The following TBC1D9 variants were observed in gnomAD, a reference collection of about 807,000 sequenced individuals.
The protein encoded by TBC1D9 is TBC1 domain family member 9, also known as TBC1 domain family member 9A.
A neutral mutation model predicts 132.0 loss-of-function variants in TBC1D9; 63 were observed. That is an observed-to-expected ratio of 0.48 (90% CI 0.39 to 0.59). The LOEUF is 0.59. TBC1D9 is among the 20% of genes least tolerant of loss of function. The pLI, the probability that TBC1D9 is intolerant of heterozygous loss-of-function variation, is 0.00. For missense variants in TBC1D9, 1,261 were observed against 1,592.7 expected (o/e 0.79, Z 3.54); for synonymous variants, 610 against 609.9 (o/e 1.00, Z 0.00).
chr4:140,643,429 C>T lies in TBC1D9; in HGVS notation c.2338-4001G>A, dbSNP rs896939232. The T allele has an allele frequency of 4.2e-5, 40 of 958,110 alleles. No homozygotes were observed. The African/African-American group carries it at 5.6e-4, about 14-fold the overall frequency. The allele number at this position is 958,110 out of a possible 1,614,324, so 59.4% of individuals were successfully genotyped here. A position where few individuals can be genotyped will look rare whatever the true frequency, so the allele number is the denominator to read the frequency against. ...ATGCCAGCCAGTGGGTCTTCCAGGC[C>T]GGGCAGGAACTGCTCAGAGCTTGCC... On this transcript the variant is annotated intron_variant, in intron 13 of 20. Coordinates refer to ENST00000442267, the MANE Select transcript of TBC1D9 (RefSeq NM_015130.3).
At chr4:140,650,828 C>A (rs1046468779) in intron 13 of TBC1D9, among the ~76,000 whole-genome samples, 4 of 152,176 alleles carry the variant, frequency 2.6e-5, no homozygotes, top group African/African-American at 9.7e-5. Flanking sequence ...AGCCACCATG[C>A]CTGGCCTCTA....
chr4:140,695,831 T>C (rs1476194348), intron 2 of TBC1D9, among the ~76,000 whole-genome samples: 2 of 152,124 alleles, frequency 1.3e-5, no homozygotes, highest in African/African-American at 2.4e-5. Flanking sequence ...TTTACTCCAA[T>C]GTGAGCCCCA....
At chr4:140,714,010 T>C (rs1440760402) in intron 1 of TBC1D9, among the ~76,000 whole-genome samples, 1 of 152,066 alleles carries the variant, frequency 6.6e-6, no homozygotes, top group Non-Finnish European at 1.5e-5. Context: ...CTGGCAAAAA[T>C]CAGAATCGGT....
intron 9 of TBC1D9, among the ~76,000 whole-genome samples, chr4:140,665,702 G>C (rs1171499485): frequency 6.6e-6 from 1 of 151,678 alleles, no homozygotes; most frequent in Non-Finnish European, 1.5e-5. Flanking sequence ...TCTGAGAGAG[G>C]GTCTTGCTGA....
chr4:140,677,126 C>T, intron 5 of TBC1D9, 25 bp from the exon 6 acceptor site: 1 of 1,610,754 alleles, frequency 6.2e-7, no homozygotes, highest in Non-Finnish European at 8.5e-7. Context: ...TTACAATTCA[C>T]ATAAGAAAAA....
chr4:140,708,235 T>C (rs1284654192), intron 1 of TBC1D9, among the ~76,000 whole-genome samples: 1 of 152,192 alleles, frequency 6.6e-6, no homozygotes, highest in African/African-American at 2.4e-5. Context: ...TAAAATTGTC[T>C]AAGAATCTTA....
At chr4:140,707,803 A>T (rs1178423288) in intron 1 of TBC1D9, among the ~76,000 whole-genome samples, 1 of 152,016 alleles carries the variant, frequency 6.6e-6, no homozygotes, top group East Asian at 1.9e-4. Context: ...CTCAATATCC[A>T]GGTCAAGGTC....
chr4:140,653,501 G>A (rs1014437721), intron 13 of TBC1D9, among the ~76,000 whole-genome samples: 4 of 152,098 alleles, frequency 2.6e-5, no homozygotes, highest in African/African-American at 9.7e-5. Flanking sequence ...TGGGCTTCAT[G>A]CCTACATTCA....
At chr4:140,663,564 A>G (rs1163105564) in intron 9 of TBC1D9, among the ~76,000 whole-genome samples, 1 of 152,230 alleles carries the variant, frequency 6.6e-6, no homozygotes, top group Admixed American at 6.5e-5. Flanking sequence ...AAGTGAAATC[A>G]GTATCCTGAA....
At chr4:140,666,278 G>T (rs2111005633) in intron 9 of TBC1D9, among the ~76,000 whole-genome samples, 1 of 152,282 alleles carries the variant, frequency 6.6e-6, no homozygotes, top group South Asian at 2.1e-4. Flanking sequence ...GTTGCCTGGG[G>T]CTGGGAGGGG....
chr4:140,627,910 T>C (rs1736733790), intron 17 of TBC1D9, among the ~76,000 whole-genome samples: 1 of 152,226 alleles, frequency 6.6e-6, no homozygotes, highest in Admixed American at 6.5e-5. Flanking sequence ...AAGTATTTGC[T>C]AGATAGATCC....
chr4:140,689,798 A>G (rs1399171625), intron 2 of TBC1D9, among the ~76,000 whole-genome samples: 1 of 130,360 alleles, frequency 7.7e-6, no homozygotes. Flanking sequence ...CCCACACTAC[A>G]GTACAGTGGC....
intron 2 of TBC1D9, among the ~76,000 whole-genome samples, chr4:140,695,407 A>G (rs1370680580): frequency 2.0e-5 from 3 of 152,182 alleles, no homozygotes; most frequent in African/African-American, 7.2e-5. Flanking sequence ...CTCAATCAAT[A>G]CACAGCCAAA....
At chr4:140,736,077 T>C (rs908910195) in intron 1 of TBC1D9, among the ~76,000 whole-genome samples, 1 of 151,902 alleles carries the variant, frequency 6.6e-6, no homozygotes, top group African/African-American at 2.4e-5. Flanking sequence ...AATTTATGAG[T>C]CATTTACAAA....
chr4:140,693,347 T>C (rs1321629166), intron 2 of TBC1D9, among the ~76,000 whole-genome samples: 1 of 152,192 alleles, frequency 6.6e-6, no homozygotes, highest in Non-Finnish European at 1.5e-5. Context: ...GGTTAAATTA[T>C]CTGAAATAAG....
At chr4:140,689,015 C>T (rs1737831764) in intron 2 of TBC1D9, among the ~76,000 whole-genome samples, 1 of 152,012 alleles carries the variant, frequency 6.6e-6, no homozygotes, top group Non-Finnish European at 1.5e-5. Context: ...AATCCTCCAC[C>T]CGATTGTTCC....
intron 16 of TBC1D9, among the ~76,000 whole-genome samples, chr4:140,631,556 T>C (rs1405179052): frequency 1.3e-5 from 2 of 151,584 alleles, no homozygotes; most frequent in Non-Finnish European, 2.9e-5. Context: ...GGGATTGATA[T>C]AAAATTACTG....
intron 1 of TBC1D9, among the ~76,000 whole-genome samples, chr4:140,740,459 C>A (rs1019949729): frequency 6.6e-6 from 1 of 152,202 alleles, no homozygotes; most frequent in African/African-American, 2.4e-5. Flanking sequence ...AGGTTCATTT[C>A]CTCCACCTAC....
chr4:140,674,353 C>G lies in TBC1D9; in HGVS notation c.1059+2541G>C, dbSNP rs115732236. 6.5e-3 allele frequency among the ~76,000 whole-genome samples: 990 copies of G among 152,258 alleles called. 14 individuals carry two copies. Among genetic ancestry groups the G allele is most frequent in the African/African-American group, 0.023 (949 of 41,546 alleles). Reference sequence around the variant, plus strand: ...AGAGCTAGATTTGTCAGTTGCCTAACATTTTTCATTCTTTTTGATTCACAG... The same window carrying G: ...AGAGCTAGATTTGTCAGTTGCCTAAGATTTTTCATTCTTTTTGATTCACAG... On this transcript the variant is annotated intron_variant, in intron 6 of 20. Transcript: ENST00000442267.
Sources: allele counts gnomAD v4.1 joint callset (sites outside exome capture counted in the v4.1 genomes callset), GRCh38; gene constraint gnomAD v4.1.1; transcripts MANE v1.5; gene names NCBI Gene and HGNC (gene_info 2026-07-23, HGNC 2026-07-21).